Variants in RC3H2 observed in about 807,000 individuals in gnomAD.
RC3H2 encodes roquin-2.
Under a neutral mutation model 133.3 loss-of-function variants are expected in RC3H2, and 31 were observed. That is an observed-to-expected ratio of 0.23 (90% confidence interval 0.17 to 0.31). The LOEUF (loss-of-function observed/expected upper bound fraction) is 0.31, where lower values mean the gene tolerates loss of function less well. Among genes scored for constraint, RC3H2 ranks in the 10% least tolerant of loss-of-function variants. The probability of loss-of-function intolerance (pLI) is 1.00; values close to 1 mark genes in which losing one functional copy is unlikely to be tolerated. For synonymous variants in RC3H2, 517 were observed against 502.2 expected (o/e 1.03, Z -0.40); for missense variants, 1,175 against 1,437.2 (o/e 0.82, Z 2.95).
chr9:122,879,381 G>C (rs183440635), intron 8 of RC3H2, among the ~76,000 whole-genome samples: 1 of 151,576 alleles, frequency 6.6e-6, no homozygotes, highest in East Asian at 2.0e-4. Context: ...GTGACAGAGT[G>C]AGACTTTGTC....
At chr9:122,860,598 G>C (rs1380435626) in intron 10 of RC3H2, among the ~76,000 whole-genome samples, 1 of 151,704 alleles carries the variant, frequency 6.6e-6, no homozygotes, top group African/African-American at 2.4e-5. Flanking sequence ...TTTTTTTGTA[G>C]AGACGGGGTC....
intron 10 of RC3H2, 130 bp from the exon 11 acceptor site, chr9:122,860,261 C>A: frequency 1.5e-6 from 1 of 658,460 alleles, no homozygotes. Flanking sequence ...GCCACATTGA[C>A]AAATAAGGCA....
chr9:122,868,905 T>G (rs1214062416), intron 9 of RC3H2, among the ~76,000 whole-genome samples: 3 of 127,744 alleles, frequency 2.3e-5, no homozygotes, highest in African/African-American at 9.4e-5. Flanking sequence ...GTTTTTTTTT[T>G]TTTTTTTTGT....
chr9:122,896,434 T>C (rs1239582242), intron 2 of RC3H2, among the ~76,000 whole-genome samples: 2 of 152,218 alleles, frequency 1.3e-5, no homozygotes, highest in African/African-American at 2.4e-5. Flanking sequence ...TAAATATATA[T>C]GCTTATATAA....
At chr9:122,854,653 G>A (rs770504214) in intron 15 of RC3H2, 38 bp from the exon 16 acceptor site, 1 of 1,368,160 alleles carries the variant, frequency 7.3e-7, no homozygotes, top group South Asian at 1.2e-5. Context: ...TCAAAAAAGT[G>A]AAAAATCAGT....
chr9:122,853,993 A>T lies in RC3H2; in HGVS notation c.3076T>A (p.Leu1026Ile), dbSNP rs1432399608. The change falls in exon 18 of 21, where the codon TTA becomes ATA. Residue 1026 changes from leucine (L) to isoleucine (I), a missense_variant. This residue lies in a region of RC3H2 where 220 missense variants were observed against 201.1 expected (regional missense o/e 1.09). Transcript: ENST00000357244. ...TCAATTTCCTTGCTTAAAAGGTTTA[A>T]GGTAAGGTGACGGCCTTCATCCAGG... ...NSLDEGRHLTLNLLSKEIELR... is the reference protein window; with the variant it reads ...NSLDEGRHLTINLLSKEIELR... 1 of 1,614,206 alleles carries T rather than the reference A, an allele frequency of 6.2e-7. No homozygotes were observed.
intron 9 of RC3H2, chr9:122,875,434 T>C: frequency 6.9e-7 from 1 of 1,448,592 alleles, no homozygotes; most frequent in South Asian, 1.5e-5. Flanking sequence ...AGGGTTTTTA[T>C]AAATAAAGTT....
chr9:122,892,700 C>G (rs1054503991), intron 3 of RC3H2, among the ~76,000 whole-genome samples: 1 of 152,134 alleles, frequency 6.6e-6, no homozygotes, highest in Non-Finnish European at 1.5e-5. Context: ...GGTGAGCCAC[C>G]GCGCCCGGCT....
chr9:122,884,122 G>A (rs547322498), intron 4 of RC3H2, among the ~76,000 whole-genome samples: 2 of 151,884 alleles, frequency 1.3e-5, no homozygotes, highest in South Asian at 4.2e-4. Context: ...GTGAAACCCC[G>A]CCTCTACTAA....
chr9:122,899,141 C>T lies in RC3H2; in HGVS notation c.-67-1565G>A, dbSNP rs1486928739. Among the ~76,000 whole-genome samples, 3 of 138,518 alleles carry T rather than the reference C, an allele frequency of 2.2e-5. No individual in the cohort carries two copies. In the East Asian group the frequency reaches 6.6e-4, roughly 30 times the overall value. The allele number at this position is 138,518 out of a possible 152,430, so 90.9% of individuals were successfully genotyped here. A position where few individuals can be genotyped will look rare whatever the true frequency, so the allele number is the denominator to read the frequency against. ...TTTCAGAGACAGAGTCTCCCTCTGTCGCCCAGACTGGAGTGCAATGGTGTG... is the reference window on the plus strand; with the variant it reads ...TTTCAGAGACAGAGTCTCCCTCTGTTGCCCAGACTGGAGTGCAATGGTGTG... On this transcript the variant is annotated intron_variant, in intron 1 of 20. Transcript: ENST00000357244.
intron 9 of RC3H2, chr9:122,875,367 A>G: frequency 1.3e-6 from 2 of 1,547,810 alleles, no homozygotes; most frequent in Non-Finnish European, 1.7e-6. Context: ...CGGGGGTTAC[A>G]CTTATGTAAG....
chr9:122,899,140 T>C (rs1242620349), intron 1 of RC3H2, among the ~76,000 whole-genome samples: 1 of 125,238 alleles, frequency 8.0e-6, no homozygotes, highest in African/African-American at 3.0e-5. Context: ...TCTCCCTCTG[T>C]CGCCCAGACT....
intron 18 of RC3H2, among the ~76,000 whole-genome samples, chr9:122,852,255 G>A (rs970076266): frequency 2.0e-5 from 3 of 149,954 alleles, no homozygotes; most frequent in South Asian, 2.1e-4. Flanking sequence ...GAGACCCTCC[G>A]CCCGGCAGCC....
intron 2 of RC3H2, 58 bp from the exon 3 acceptor site, chr9:122,893,084 A>G (rs1832257612): frequency 6.4e-7 from 1 of 1,565,866 alleles, no homozygotes; most frequent in African/African-American, 1.4e-5. Flanking sequence ...TCATGCAACT[A>G]TTATTTATGT....
intron 8 of RC3H2, among the ~76,000 whole-genome samples, chr9:122,879,221 C>T (rs1387016722): frequency 6.6e-6 from 1 of 151,408 alleles, no homozygotes; most frequent in Non-Finnish European, 1.5e-5. Context: ...CATGGTAAAA[C>T]CCTCTCTACA....
intron 9 of RC3H2, among the ~76,000 whole-genome samples, chr9:122,870,448 G>A (rs1306649348): frequency 1.3e-5 from 2 of 151,492 alleles, no homozygotes; most frequent in Non-Finnish European, 2.9e-5. Context: ...AATCCACAAG[G>A]TTGCTCTAGA....
intron 4 of RC3H2, among the ~76,000 whole-genome samples, chr9:122,887,155 C>T (rs946339629): frequency 2.0e-5 from 3 of 152,244 alleles, no homozygotes; most frequent in East Asian, 1.9e-4. Context: ...CCCATTAATA[C>T]ATTTGGGGAT....
intron 4 of RC3H2, chr9:122,890,071 G>T: frequency 1.7e-6 from 1 of 596,094 alleles, no homozygotes; most frequent in Admixed American, 2.9e-5. Context: ...GAGCATGGAT[G>T]TCGAGGCTGC....
At position 122,858,840 on chromosome 9, in the gene RC3H2, A is replaced by G. The variant is rs760156090; in HGVS notation, c.2112T>C (p.Pro704=). ...TAATAATGTCATCTCGTTGGTACAT[A>G]GGTGGGCGCCAGATGCGCCTGCTGT... ...VYDSRRIWRP[P]MYQRDDIIRS... The change falls in exon 12 of 21, where the codon CCT becomes CCC. Residue 704 remains proline, a synonymous_variant. Transcript: ENST00000357244. The G allele has an allele frequency of 3.7e-6, 6 of 1,614,164 alleles. No individual in the cohort carries two copies. The highest frequency in any genetic ancestry group is 2.2e-5 in the South Asian group (2 of 91,094).
Sources: allele counts gnomAD v4.1 joint callset (sites outside exome capture counted in the v4.1 genomes callset), GRCh38; gene constraint gnomAD v4.1.1; regional missense constraint gnomAD v4.1.1; transcripts MANE v1.5; gene names NCBI Gene and HGNC (gene_info 2026-07-23, HGNC 2026-07-21).